Variants in ANKRD13A observed in about 807,000 individuals in gnomAD.
ANKRD13A encodes the protein ankyrin repeat domain-containing protein 13A.
A neutral mutation model predicts 81.3 loss-of-function variants in ANKRD13A; 48 were observed. The observed-to-expected ratio is 0.59, with a 90% confidence interval of 0.47 to 0.75. ANKRD13A has a LOEUF of 0.75. Ranked by LOEUF, ANKRD13A falls within the 30% of genes least tolerant of loss-of-function variation. The pLI is 0.00. For synonymous variants in ANKRD13A, 230 were observed against 270.1 expected (o/e 0.85, Z 1.45); for missense variants, 612 against 734.0 (o/e 0.83, Z 1.92).
chr12:109,999,816 T>G lies in ANKRD13A; in HGVS notation c.96+32T>G, dbSNP rs192990670. 2,415 of 1,496,380 alleles carry G rather than the reference T, an allele frequency of 1.6e-3. 37 individuals carry two copies. In the African/African-American group the frequency reaches 0.031, roughly 19 times the overall value. The allele number at this position is 1,496,380 out of a possible 1,614,324, so 92.7% of individuals were successfully genotyped here. A position where few individuals can be genotyped will look rare whatever the true frequency, so the allele number is the denominator to read the frequency against. ...GGCGGGGCGGGGGTCCGTCTCCCGG[T>G]GGGGACTTCGGGGAATCGGGGGTCG... On this transcript the variant is annotated intron_variant, in intron 1 of 14. Transcript: ENST00000261739. This position sits in a 1 kb window ranked among gnomAD's most constrained non-coding sequence, Gnocchi z 4.3.
intron 11 of ANKRD13A, among the ~76,000 whole-genome samples, chr12:110,029,964 T>G (rs1366535552): frequency 6.6e-6 from 1 of 152,178 alleles, no homozygotes; most frequent in African/African-American, 2.4e-5. Flanking sequence ...TAGATAATTA[T>G]TTGAGGAAGA....
At chr12:110,007,906 C>G (rs186353568) in intron 1 of ANKRD13A, among the ~76,000 whole-genome samples, 1 of 152,214 alleles carries the variant, frequency 6.6e-6, no homozygotes, top group East Asian at 1.9e-4. Context: ...TTTAATAGTT[C>G]TAATAGTTTT....
intron 6 of ANKRD13A, among the ~76,000 whole-genome samples, chr12:110,020,589 G>T (rs985950667): frequency 2.0e-5 from 3 of 152,200 alleles, no homozygotes; most frequent in African/African-American, 7.2e-5. Context: ...GGTCTTTCAG[G>T]GACAGCAAAA....
intron 1 of ANKRD13A, among the ~76,000 whole-genome samples, chr12:110,009,152 G>C (rs2137093213): frequency 6.6e-6 from 1 of 152,206 alleles, no homozygotes; most frequent in South Asian, 2.1e-4. Flanking sequence ...CACAATCTCG[G>C]CTCACCACAA....
At chr12:110,014,361 G>A (rs1210051407) in intron 3 of ANKRD13A, among the ~76,000 whole-genome samples, 5 of 152,126 alleles carry the variant, frequency 3.3e-5, no homozygotes, top group East Asian at 3.9e-4. Context: ...GCAGTGAGCC[G>A]AGATTGCACC....
rs556309466 is a variant in ANKRD13A at position 110,008,029 on chromosome 12, A to G, written c.97-3976A>G. Among the ~76,000 whole-genome samples the G allele has an allele frequency of 7.9e-5, 12 of 152,300 alleles. No homozygotes were observed. The East Asian group carries it at 2.1e-3, about 27-fold the overall frequency. On this transcript the variant is annotated intron_variant, in intron 1 of 14. Coordinates refer to ENST00000261739, the MANE Select transcript of ANKRD13A (RefSeq NM_033121.2). Reference sequence around the variant, plus strand: ...TGCCATGACTAGAATCTCTAGTACAATGTTGACTAGATATGGTGAAAGAGG... The same window carrying G: ...TGCCATGACTAGAATCTCTAGTACAGTGTTGACTAGATATGGTGAAAGAGG...
At chr12:110,010,468 G>A (rs1386665252) in intron 1 of ANKRD13A, among the ~76,000 whole-genome samples, 1 of 152,212 alleles carries the variant, frequency 6.6e-6, no homozygotes, top group East Asian at 1.9e-4. Flanking sequence ...TTTAATGCAA[G>A]TTAGAGACTA....
chr12:110,003,459 C>G (rs1890082693), intron 1 of ANKRD13A, among the ~76,000 whole-genome samples: 1 of 152,208 alleles, frequency 6.6e-6, no homozygotes, highest in South Asian at 2.1e-4. Context: ...CCTTAGGAAA[C>G]TGGCCTCAAG....
intron 10 of ANKRD13A, 113 bp from the exon 11 acceptor site, chr12:110,029,365 G>T: frequency 1.7e-6 from 2 of 1,143,484 alleles, no homozygotes; most frequent in Non-Finnish European, 2.5e-6. Flanking sequence ...ATTAAGAGAT[G>T]ACTGGGCAGA....
intron 1 of ANKRD13A, among the ~76,000 whole-genome samples, chr12:110,007,486 T>C (rs1240864232): frequency 2.0e-5 from 3 of 152,172 alleles, no homozygotes; most frequent in Admixed American, 1.3e-4. Context: ...GTTCAAGCGA[T>C]TCTCCTGCCT....
intron 10 of ANKRD13A, chr12:110,029,135 A>C: frequency 4.9e-6 from 1 of 203,824 alleles, no homozygotes; most frequent in Admixed American, 5.3e-5. Context: ...AATAGAATCT[A>C]GATTGGATGT....
chr12:110,001,240 A>C (rs1035696103), intron 1 of ANKRD13A, among the ~76,000 whole-genome samples: 2 of 151,576 alleles, frequency 1.3e-5, no homozygotes, highest in African/African-American at 4.9e-5. Flanking sequence ...TGAATGGCTC[A>C]AAATTGGTGC....
chr12:110,016,875 C>A (rs574008482), intron 4 of ANKRD13A, among the ~76,000 whole-genome samples: 1 of 152,144 alleles, frequency 6.6e-6, no homozygotes, highest in African/African-American at 2.4e-5. Context: ...CAGATTCAAG[C>A]GATTCTCATG....
At chr12:110,029,160 T>G (rs1480748932) in intron 10 of ANKRD13A, 1 of 230,452 alleles carries the variant, frequency 4.3e-6, no homozygotes, top group Non-Finnish European at 8.5e-6. Context: ...ATTCCTTTTT[T>G]TTTTTATTGC....
rs567178334 is a variant in ANKRD13A at position 110,024,663 on chromosome 12, T to C, written c.801+551T>C. Among the ~76,000 whole-genome samples the C allele has an allele frequency of 9.3e-3, 1,411 of 152,310 alleles. 28 individuals carry two copies. The highest frequency in any genetic ancestry group is 0.032 in the African/African-American group (1,338 of 41,566). ...CCTCAGTACAACAGGGATTGATGGC[T>C]TTTGGTGTTGGAGCCCAGTGCTGCA... is the stretch of plus-strand genomic sequence containing the variant. On this transcript the variant is annotated intron_variant, in intron 7 of 14. Transcript: ENST00000261739.
At position 110,018,983 on chromosome 12, in the gene ANKRD13A, T is replaced by G. The variant is rs1206460361; in HGVS notation, c.545-156T>G. Among the ~76,000 whole-genome samples, 2 of 152,184 alleles carry G rather than the reference T, an allele frequency of 1.3e-5. No individual in the cohort carries two copies. The highest frequency in any genetic ancestry group is 2.9e-5 in the Non-Finnish European group (2 of 68,032). ...TGGAAAGCTGGTCAGATAATCCCTG[T>G]GCAAATAGGTAGTCGATAATCAGTA... On this transcript the variant is annotated intron_variant, in intron 5 of 14. Coordinates refer to ENST00000261739, the MANE Select transcript of ANKRD13A (RefSeq NM_033121.2). This position sits in a 1 kb window ranked among gnomAD's most constrained non-coding sequence, Gnocchi z 4.4.
At position 110,037,457 on chromosome 12, in the gene ANKRD13A, A is replaced by C. The variant is rs1406161985; in HGVS notation, c.1676A>C (p.Glu559Ala). The C allele has an allele frequency of 1.2e-6, 2 of 1,614,052 alleles. No individual in the cohort carries two copies. Among genetic ancestry groups the C allele is most frequent in the African/African-American group, 1.3e-5 (1 of 74,926 alleles). The stretch of plus-strand genomic sequence containing the variant: ...GATAATGACTTGCAGCTAGCCATGG[A>C]GCTCTCTGCCAAAGAGCTGGAGGAA... ...RFDNDLQLAMELSAKELEEWE... is the reference protein window; with the variant it reads ...RFDNDLQLAMALSAKELEEWE... The change falls in exon 15 of 15, where the codon GAG becomes GCG. Residue 559 changes from glutamate to alanine, a missense_variant. Glu to Ala is a moderately radical substitution (Grantham distance 107, BLOSUM62 -1). Transcript: ENST00000261739.
At chr12:110,009,832 G>A (rs1366162700) in intron 1 of ANKRD13A, among the ~76,000 whole-genome samples, 1 of 152,112 alleles carries the variant, frequency 6.6e-6, no homozygotes, top group Non-Finnish European at 1.5e-5. Flanking sequence ...TCTAACTGTT[G>A]CCCAGGAGTT....
rs764773046 is a variant in ANKRD13A, at chr12:110,018,338, C to T, written c.401-7C>T. Reference sequence around the variant, plus strand: ...GTTTTTCTCAGTAGTACACTTCTCTCCTCCAGTGCCCTTGGTTTCTAGAAT... The same window carrying T: ...GTTTTTCTCAGTAGTACACTTCTCTTCTCCAGTGCCCTTGGTTTCTAGAAT... On this transcript the variant is annotated splice_polypyrimidine_tract_variant and splice_region_variant and intron_variant, in intron 4 of 14. Transcript: ENST00000261739. The surrounding 1 kb of genome is among the most constrained non-coding windows in gnomAD (Gnocchi z 4.4). 1.9e-5 allele frequency: 31 copies of T among 1,613,796 alleles called. No homozygotes were observed. Among genetic ancestry groups the T allele is most frequent in the South Asian group, 1.2e-4 (11 of 91,056 alleles).
Sources: allele counts gnomAD v4.1 joint callset (sites outside exome capture counted in the v4.1 genomes callset), GRCh38; gene constraint gnomAD v4.1.1; non-coding constraint Gnocchi (gnomAD v3.1); transcripts MANE v1.5; gene names NCBI Gene and HGNC (gene_info 2026-07-23, HGNC 2026-07-21).